Variants in NPIPB11 observed in about 807,000 individuals in gnomAD.
NPIPB11 encodes nuclear pore complex-interacting protein family member B11.
NPIPB11 carries 17 observed loss-of-function variants against 32.8 expected under a neutral mutation model. The ratio of observed to expected loss-of-function variants is 0.52; its 90% CI spans 0.35 to 0.78. The LOEUF (loss-of-function observed/expected upper bound fraction) is 0.78, where lower values mean the gene tolerates loss of function less well. Among genes scored for constraint, NPIPB11 ranks in the 30% least tolerant of loss-of-function variants. The probability of loss-of-function intolerance (pLI) is 0.01; values close to 1 mark genes in which losing one functional copy is unlikely to be tolerated. For synonymous variants in NPIPB11, 209 were observed against 398.4 expected (o/e 0.52, Z 5.66); for missense variants, 537 against 1,000.4 (o/e 0.54, Z 6.25).
intron 2 of NPIPB11, among the ~76,000 whole-genome samples, chr16:29,394,797 G>A (rs1181291943): frequency 2.7e-5 from 4 of 150,624 alleles, no homozygotes; most frequent in Admixed American, 2.7e-4. Context: ...CCAGGCTGGA[G>A]TGCAGTGGTG....
At chr16:29,391,702 T>C (rs1297116120) in intron 3 of NPIPB11, among the ~76,000 whole-genome samples, 1 of 152,182 alleles carries the variant, frequency 6.6e-6, no homozygotes, top group Non-Finnish European at 1.5e-5. Context: ...CAGATACCTA[T>C]GAATCTCCTG....
chr16:29,397,962 G>A lies in NPIPB11; in HGVS notation c.121-3886C>T, dbSNP rs1253338188. ...TCAGGGAAGCAACAGGACACGCGGGGCAAGGGAGCGTGAGGCTTAGGAGCA... is the reference window on the plus strand; with the variant it reads ...TCAGGGAAGCAACAGGACACGCGGGACAAGGGAGCGTGAGGCTTAGGAGCA... On this transcript the variant is annotated intron_variant, in intron 2 of 7. Transcript: ENST00000524087. Among the ~76,000 whole-genome samples the A allele has an allele frequency of 9.4e-5, 9 of 95,298 alleles. No homozygotes were observed. In the South Asian group the frequency reaches 2.8e-3, roughly 30 times the overall value. The allele number at this position is 95,298 out of a possible 152,430, so 62.5% of individuals were successfully genotyped here.
chr16:29,406,630 C>A (rs533437494), upstream of NPIPB11, among the ~76,000 whole-genome samples: 69 of 152,202 alleles, frequency 4.5e-4, no homozygotes, highest in African/African-American at 1.6e-3. Context: ...AGGAGAATTG[C>A]TTGAACCCAG....
intron 2 of NPIPB11, among the ~76,000 whole-genome samples, chr16:29,399,070 T>G (rs1306274519): frequency 1.3e-5 from 2 of 150,334 alleles, no homozygotes; most frequent in Non-Finnish European, 3.0e-5. Context: ...TTGCCCACAA[T>G]ACCCAGAGGG....
chr16:29,398,122 G>A (rs1963907348), intron 2 of NPIPB11: 1 of 510,876 alleles, frequency 2.0e-6, no homozygotes, highest in Non-Finnish European at 3.3e-6. Context: ...AATGGACAAT[G>A]CCAAGTAGCG....
At chr16:29,402,724 C>CTCTCTCTCTCTCTGTGTG (rs1449821025) in intron 2 of NPIPB11, among the ~76,000 whole-genome samples, 3 of 119,672 alleles carry the variant, frequency 2.5e-5, no homozygotes, top group East Asian at 2.9e-4. Flanking sequence ...CTCTCTCTCT[C>CTCTCTCTCTCTCTGTGTG]TGTGTGTGTG....
At chr16:29,391,006 T>C (rs62035597) in intron 3 of NPIPB11, among the ~76,000 whole-genome samples, 86 of 149,218 alleles carry the variant, frequency 5.8e-4, no homozygotes, top group East Asian at 1.8e-3. Context: ...CGGTAGCTCA[T>C]GCCTGTAATC....
At chr16:29,397,251 G>C (rs532020750) in intron 2 of NPIPB11, among the ~76,000 whole-genome samples, 1 of 151,184 alleles carries the variant, frequency 6.6e-6, no homozygotes, top group African/African-American at 2.4e-5. Context: ...GTTTGTTAGA[G>C]ACAAGAGTGC....
chr16:29,390,769 G>A (rs1269549573), intron 3 of NPIPB11, among the ~76,000 whole-genome samples: 1 of 151,666 alleles, frequency 6.6e-6, no homozygotes, highest in Non-Finnish European at 1.5e-5. Flanking sequence ...TTTGAGACCA[G>A]CCTCACCAAC....
intron 2 of NPIPB11, among the ~76,000 whole-genome samples, chr16:29,402,973 A>G (rs550771999): frequency 1.7e-4 from 25 of 150,426 alleles, no homozygotes; most frequent in South Asian, 1.5e-3. Flanking sequence ...TTTATTCAAA[A>G]TTATAGAACA....
intron 2 of NPIPB11, among the ~76,000 whole-genome samples, chr16:29,397,168 C>G (rs891586854): frequency 1.0e-5 from 1 of 97,804 alleles, no homozygotes; most frequent in African/African-American, 4.1e-5. Context: ...GAGACTCTGT[C>G]TAAAAAAAAA....
chr16:29,390,317 C>A lies in NPIPB11; in HGVS notation c.281G>T (p.Arg94Leu), dbSNP rs576183252. 1.0e-5 allele frequency: 16 copies of A among 1,539,122 alleles called. No homozygotes were observed. The African/African-American group carries it at 1.9e-4, about 18-fold the overall frequency. Reference sequence around the variant, plus strand: ...ATCCGTGGATCCATCATGTCCATTTCGAGACCAGAAGATAGTCTTCAGGAG... The same window carrying A: ...ATCCGTGGATCCATCATGTCCATTTAGAGACCAGAAGATAGTCTTCAGGAG... Residue 94 changes from arginine (R) to leucine (L), a missense_variant, in exon 4 of 8, where the codon CGA becomes CTA. Transcript: ENST00000524087.
intron 2 of NPIPB11, among the ~76,000 whole-genome samples, chr16:29,400,930 T>C (rs1263729122): frequency 3.3e-5 from 5 of 152,064 alleles, no homozygotes; most frequent in Non-Finnish European, 5.9e-5. Context: ...CCACAGACGA[T>C]TCCCTGTCCC....
intron 2 of NPIPB11, among the ~76,000 whole-genome samples, chr16:29,395,581 A>T (rs1435172561): frequency 8.0e-6 from 1 of 125,700 alleles, no homozygotes; most frequent in Non-Finnish European, 1.6e-5. Flanking sequence ...CTCTTGGATT[A>T]TATGAATCTT....
At chr16:29,397,611 A>T (rs1596681225) in intron 2 of NPIPB11, 3 of 1,487,156 alleles carry the variant, frequency 2.0e-6, no homozygotes, top group Non-Finnish European at 1.8e-6. Context: ...GAGCCCAAAG[A>T]GGAGCCAAAA....
exon 8 of NPIPB11, chr16:29,383,029 G>T (rs752571890): frequency 6.2e-7 from 1 of 1,609,430 alleles, no homozygotes; most frequent in Non-Finnish European, 8.5e-7. Context: ...ATCCGCTGAC[G>T]GTGGAAGCGG....
At chr16:29,404,725 C>T (rs1431000047), upstream of NPIPB11, among the ~76,000 whole-genome samples, 3 of 151,140 alleles carry the variant, frequency 2.0e-5, no homozygotes, top group Non-Finnish European at 4.4e-5. Context: ...CCTCGCATCC[C>T]CACAGATGGG....
intron 2 of NPIPB11, among the ~76,000 whole-genome samples, chr16:29,401,209 GAGACT>G (rs1456708839): frequency 6.6e-6 from 1 of 152,134 alleles, no homozygotes; most frequent in Non-Finnish European, 1.5e-5. Flanking sequence ...AAAGGAACAG[GAGACT>G]TGCAGGAAAA....
intron 3 of NPIPB11, among the ~76,000 whole-genome samples, chr16:29,393,475 G>C (rs1325306387): frequency 1.3e-5 from 2 of 152,208 alleles, no homozygotes; most frequent in African/African-American, 2.4e-5. Flanking sequence ...CCACCCGGCA[G>C]TTCTAGCAGT....
Sources: allele counts gnomAD v4.1 joint callset (sites outside exome capture counted in the v4.1 genomes callset), GRCh38; gene constraint gnomAD v4.1.1; transcripts MANE v1.5; gene names NCBI Gene and HGNC (gene_info 2026-07-23, HGNC 2026-07-21).